The following CPED1 variants were observed in gnomAD, a reference collection of about 807,000 sequenced individuals.
CPED1 encodes cadherin like and PC-esterase domain containing 1.
In CPED1, 114 loss-of-function variants were observed where a neutral mutation model predicts 128.2. That is an observed-to-expected ratio of 0.89 (90% confidence interval 0.76 to 1.04). The LOEUF (loss-of-function observed/expected upper bound fraction) is 1.04, where lower values mean the gene tolerates loss of function less well. Among genes scored for constraint, CPED1 ranks in the 50% least tolerant of loss-of-function variants. CPED1 has a pLI of 0.00. For missense variants in CPED1, 1,211 were observed against 1,207.1 expected, an observed-to-expected ratio of 1.00 and a Z score of -0.05; for synonymous variants, 462 against 426.7, an observed-to-expected ratio of 1.08 and a Z score of -1.02.
At chr7:121,033,944 T>C (rs1036680754) in intron 3 of CPED1, among the ~76,000 whole-genome samples, 3 of 152,222 alleles carry the variant, frequency 2.0e-5, no homozygotes, top group Non-Finnish European at 4.4e-5. Context: ...AATGCCTTAT[T>C]ATACAATGTT....
At chr7:121,042,335 C>G (rs1361803675) in intron 3 of CPED1, among the ~76,000 whole-genome samples, 1 of 152,014 alleles carries the variant, frequency 6.6e-6, no homozygotes, top group Non-Finnish European at 1.5e-5. Flanking sequence ...CTGAGTTATA[C>G]CTGCTGTAGT....
At chr7:121,164,483 A>G (rs1307317979) in intron 16 of CPED1, among the ~76,000 whole-genome samples, 1 of 152,160 alleles carries the variant, frequency 6.6e-6, no homozygotes. Context: ...GAAATTTCCC[A>G]GAGGGCTTAT....
intron 5 of CPED1, among the ~76,000 whole-genome samples, chr7:121,072,571 C>A (rs1794023011): frequency 6.6e-6 from 1 of 152,056 alleles, no homozygotes; most frequent in Non-Finnish European, 1.5e-5. Flanking sequence ...GAAAAGCCAG[C>A]AGAATGTGCT....
intron 5 of CPED1, among the ~76,000 whole-genome samples, chr7:121,070,061 G>T (rs190433676): frequency 8.6e-5 from 13 of 151,670 alleles, no homozygotes; most frequent in African/African-American, 2.7e-4. Context: ...TAACATGTGA[G>T]TATATAAAGA....
At chr7:121,150,240 C>T (rs1377108094) in intron 16 of CPED1, among the ~76,000 whole-genome samples, 1 of 150,648 alleles carries the variant, frequency 6.6e-6, no homozygotes, top group Non-Finnish European at 1.5e-5. Flanking sequence ...TCTATCATTG[C>T]CATCTTCATG....
In CPED1 at chr7:121,297,002, T is replaced by A. The variant is rs983955179; in HGVS notation, c.*1350T>A. 2 of 152,024 alleles carry A rather than the reference T, an allele frequency of 1.3e-5. No homozygotes were observed. The highest frequency in any genetic ancestry group is 2.1e-4 in the South Asian group (1 of 4,830). The allele number at this position is 152,024 out of a possible 1,614,324, so 9.4% of individuals were successfully genotyped here. A position where few individuals can be genotyped will look rare whatever the true frequency, so the allele number is the denominator to read the frequency against. The stretch of plus-strand genomic sequence containing the variant: ...TCCACCTCCTTTAAATACTCTATTT[T>A]TATATATATTTTTATATGAAGATAA... On this transcript the variant is annotated 3_prime_UTR_variant, in exon 23 of 23. Coordinates refer to ENST00000310396, the MANE Select transcript of CPED1 (RefSeq NM_024913.5).
chr7:121,136,691 T>C (rs1795792443), intron 14 of CPED1, among the ~76,000 whole-genome samples: 1 of 152,122 alleles, frequency 6.6e-6, no homozygotes, highest in Non-Finnish European at 1.5e-5. Flanking sequence ...CACAGGGTTA[T>C]TAAATGCCTG....
intron 2 of CPED1, among the ~76,000 whole-genome samples, chr7:121,013,449 A>T (rs922796639): frequency 1.3e-5 from 2 of 152,228 alleles, no homozygotes; most frequent in African/African-American, 4.8e-5. Flanking sequence ...ACACATATAG[A>T]AAGCTACTAT....
chr7:121,154,627 C>A (rs867295897), intron 16 of CPED1, among the ~76,000 whole-genome samples: 46 of 152,050 alleles, frequency 3.0e-4, no homozygotes, highest in African/African-American at 1.1e-3. Context: ...CTCACTACAA[C>A]CTCCAGCTCC....
chr7:121,046,888 T>C lies in CPED1; in HGVS notation c.435T>C (p.Gly145=). 1.9e-6 allele frequency: 3 copies of C among 1,601,722 alleles called. No homozygotes were observed. The highest frequency in any genetic ancestry group is 2.6e-6 in the Non-Finnish European group (3 of 1,171,698). The stretch of plus-strand genomic sequence containing the variant: ...TTTTGAATATTCTTTTGCTTTTAGG[T>C]GATCTGGGCTCTTGGGATCTGCTCA... ...AGLGPGLLEQ[G]DLGSWDLLIC... is the part of the protein sequence containing the mutation. The change falls in exon 4 of 23, where the codon GGT becomes GGC. Residue 145 remains glycine, a splice_region_variant and synonymous_variant. Coordinates refer to ENST00000310396, the MANE Select transcript of CPED1 (RefSeq NM_024913.5).
chr7:121,249,510 AG>A (rs932570083), intron 18 of CPED1, among the ~76,000 whole-genome samples: 72 of 152,316 alleles, frequency 4.7e-4, no homozygotes, highest in African/African-American at 1.5e-3. Flanking sequence ...GCCAGAGATT[AG>A]GGGCCTATTT....
intron 2 of CPED1, among the ~76,000 whole-genome samples, chr7:120,992,530 C>T (rs1011366353): frequency 1.1e-4 from 16 of 152,110 alleles, no homozygotes; most frequent in African/African-American, 3.9e-4. Flanking sequence ...AAATGCTTAA[C>T]AACCAGTATG....
chr7:121,242,816 G>A (rs189917744), intron 17 of CPED1, among the ~76,000 whole-genome samples: 16 of 151,546 alleles, frequency 1.1e-4, no homozygotes, highest in Admixed American at 7.2e-4. Flanking sequence ...CTTTCCCTCC[G>A]ATTTTCTTTT....
chr7:121,184,473 C>T (rs955034870), intron 16 of CPED1, among the ~76,000 whole-genome samples: 2 of 152,130 alleles, frequency 1.3e-5, no homozygotes, highest in Non-Finnish European at 2.9e-5. Flanking sequence ...TATCAAAAGC[C>T]ATGTAGTGTT....
At chr7:121,247,664 G>A (rs1798567875) in intron 18 of CPED1, among the ~76,000 whole-genome samples, 2 of 152,138 alleles carry the variant, frequency 1.3e-5, no homozygotes. Context: ...TGGATTCCTG[G>A]CTACAGGGGA....
chr7:121,243,856 G>T (rs923733070), intron 17 of CPED1, among the ~76,000 whole-genome samples: 5 of 152,250 alleles, frequency 3.3e-5, no homozygotes, highest in African/African-American at 1.2e-4. Flanking sequence ...CTGCCAATTT[G>T]TGGGGCTCCC....
At chr7:121,293,911 T>C (rs1792766457) in intron 22 of CPED1, among the ~76,000 whole-genome samples, 1 of 152,078 alleles carries the variant, frequency 6.6e-6, no homozygotes, top group African/African-American at 2.4e-5. Context: ...GCCTTCTGCC[T>C]TGTTCTCGCT....
intron 7 of CPED1, among the ~76,000 whole-genome samples, chr7:121,112,273 G>A (rs1288791913): frequency 6.6e-6 from 1 of 152,136 alleles, no homozygotes; most frequent in African/African-American, 2.4e-5. Flanking sequence ...AAAGGGCCTT[G>A]GCAGGTGTAA....
intron 3 of CPED1, among the ~76,000 whole-genome samples, chr7:121,019,739 A>G (rs531041351): frequency 6.6e-6 from 1 of 152,120 alleles, no homozygotes; most frequent in South Asian, 2.1e-4. Context: ...CATATGCACT[A>G]TTATGGTTCT....
Sources: allele counts gnomAD v4.1 joint callset (sites outside exome capture counted in the v4.1 genomes callset), GRCh38; gene constraint gnomAD v4.1.1; transcripts MANE v1.5; gene names NCBI Gene and HGNC (gene_info 2026-07-23, HGNC 2026-07-21).